PEMT: variants seen among roughly 807,000 people sequenced by gnomAD.
PEMT encodes the protein phospholipid methyltransferase.
In PEMT, 23 loss-of-function variants were observed where a neutral mutation model predicts 27.4. The observed-to-expected ratio is 0.84, with a 90% CI of 0.60 to 1.19. The LOEUF is 1.19. PEMT is among the 50% of genes most tolerant of loss of function. The probability of loss-of-function intolerance (pLI) is 0.00; values close to 1 mark genes in which losing one functional copy is unlikely to be tolerated. For synonymous variants in PEMT, 137 were observed against 139.1 expected, an observed-to-expected ratio of 0.98 and a Z score of 0.11; for missense variants, 307 against 310.1, an observed-to-expected ratio of 0.99 and a Z score of 0.07.
chr17:17,553,568 G>T (rs571275594), intron 2 of PEMT, among the ~76,000 whole-genome samples: 37 of 152,270 alleles, frequency 2.4e-4, no homozygotes, highest in Non-Finnish European at 4.4e-4. Context: ...CACTTTTTAA[G>T]CCCACAGTGG....
upstream of PEMT, chr17:17,592,078 TCA>T: frequency 1.0e-6 from 1 of 982,602 alleles, no homozygotes; most frequent in Non-Finnish European, 1.2e-6. Flanking sequence ...TTGGCCCGGG[TCA>T]CACACGCCCA....
chr17:17,529,678 C>T (rs1484024259), intron 2 of PEMT, among the ~76,000 whole-genome samples: 1 of 152,240 alleles, frequency 6.6e-6, no homozygotes, highest in East Asian at 1.9e-4. Context: ...ACTCGCCTCC[C>T]CCAGCCTCAG....
chr17:17,559,696 TCCC>T (rs1910332017), intron 2 of PEMT, among the ~76,000 whole-genome samples: 1 of 152,148 alleles, frequency 6.6e-6, no homozygotes, highest in African/African-American at 2.4e-5. Flanking sequence ...GGGCCAGGAT[TCCC>T]AGGAAACCCT....
intron 1 of PEMT, among the ~76,000 whole-genome samples, chr17:17,588,465 G>C (rs183299800): frequency 2.0e-5 from 3 of 152,202 alleles, no homozygotes; most frequent in Admixed American, 6.5e-5. Context: ...CAAGGGCTTT[G>C]CCTTCTTGAG....
chr17:17,507,578 G>A (rs1567657822), intron 5 of PEMT: 1 of 251,152 alleles, frequency 4.0e-6, no homozygotes, highest in East Asian at 8.3e-5. Flanking sequence ...TGGGCGCCGA[G>A]GGGGACAGGA....
At chr17:17,517,522 C>T (rs939348933) in intron 3 of PEMT, among the ~76,000 whole-genome samples, 3 of 152,242 alleles carry the variant, frequency 2.0e-5, no homozygotes, top group South Asian at 2.1e-4. Context: ...TGAGCAGGTC[C>T]GGCCAGGCAC....
chr17:17,547,663 C>CTCCTCCTCA (rs1909354547), intron 2 of PEMT, among the ~76,000 whole-genome samples: 1 of 151,964 alleles, frequency 6.6e-6, no homozygotes, highest in Non-Finnish European at 1.5e-5. Flanking sequence ...CTTCCTCCTC[C>CTCCTCCTCA]TCCTCCTCCT....
At chr17:17,588,837 T>C (rs1347649801) in intron 1 of PEMT, among the ~76,000 whole-genome samples, 1 of 152,214 alleles carries the variant, frequency 6.6e-6, no homozygotes, top group Non-Finnish European at 1.5e-5. Context: ...GCTGCCCAGC[T>C]GAGGAGCAAG....
chr17:17,573,740 TAA>T (rs1366653702), intron 2 of PEMT, among the ~76,000 whole-genome samples: 1 of 152,198 alleles, frequency 6.6e-6, no homozygotes, highest in Non-Finnish European at 1.5e-5. Flanking sequence ...TGATAACTAT[TAA>T]GTTATTTAAG....
chr17:17,555,877 T>A (rs1302146561), intron 2 of PEMT, among the ~76,000 whole-genome samples: 1 of 152,340 alleles, frequency 6.6e-6, no homozygotes, highest in East Asian at 1.9e-4. Flanking sequence ...AGGAGGGGGA[T>A]GCGTGGGTCC....
intron 4 of PEMT, among the ~76,000 whole-genome samples, chr17:17,511,004 G>C (rs1906342968): frequency 6.6e-6 from 1 of 152,080 alleles, no homozygotes; most frequent in Non-Finnish European, 1.5e-5. Context: ...TCTGATCCTG[G>C]CTCCATCGGT....
Position 17,582,398 on chromosome 17 carries a change from TGCAGGGTTCTCGGGA to T in PEMT, c.97-5386_97-5372del. On this transcript the variant is annotated intron_variant, in intron 1 of 6. Transcript: ENST00000255389. The surrounding 1 kb of genome is among the most constrained non-coding windows in gnomAD (Gnocchi z 4.9). ...TATGGTAATTTACTCCATTGAGGGG[TGCAGGGTTCTCGGGA>T]GCAGCGCTCTGTGGTCAGGGAATGA... is the stretch of plus-strand genomic sequence containing the variant. The T allele has an allele frequency of 3.0e-6, 3 of 985,176 alleles. No homozygotes were observed. Among genetic ancestry groups the T allele is most frequent in the Non-Finnish European group, 3.6e-6 (3 of 829,886 alleles). 61.0% of individuals were successfully genotyped at this position (985,176 alleles called of 1,614,324 possible). A position where few individuals can be genotyped will look rare whatever the true frequency, so the allele number is the denominator to read the frequency against.
At chr17:17,542,222 CTA>C (rs1191704160) in intron 2 of PEMT, among the ~76,000 whole-genome samples, 8 of 105,844 alleles carry the variant, frequency 7.6e-5, no homozygotes, top group Non-Finnish European at 1.1e-4. Flanking sequence ...CTCAGGTGAT[CTA>C]CCCGCCTCAG....
At chr17:17,522,180 A>T in intron 3 of PEMT, 100 bp downstream of exon 3, 1 of 831,214 alleles carries the variant, frequency 1.2e-6, no homozygotes, top group Non-Finnish European at 2.0e-6. Context: ...CTGAGTGCTC[A>T]GACACAAGGC....
At chr17:17,548,361 G>C (rs1279747177) in intron 2 of PEMT, among the ~76,000 whole-genome samples, 1 of 152,228 alleles carries the variant, frequency 6.6e-6, no homozygotes, top group East Asian at 1.9e-4. Flanking sequence ...TTCTAGAATG[G>C]TCCCTGGGCT....
rs2142758909 is a variant in PEMT at position 17,584,279 on chromosome 17, C to T, written c.96+7252G>A. Among the ~76,000 whole-genome samples the T allele has an allele frequency of 2.6e-5, 4 of 152,304 alleles. No homozygotes were observed. The East Asian group carries it at 7.7e-4, about 29-fold the overall frequency. On this transcript the variant is annotated intron_variant, in intron 1 of 6. Coordinates refer to ENST00000255389, the MANE Select transcript of PEMT (RefSeq NM_148172.3). The stretch of plus-strand genomic sequence containing the variant: ...GGTTCACGCCATTCTCCTGCCTCAG[C>T]CTCCTAAGTAGCTGGGACTACAGGC...
intron 1 of PEMT, among the ~76,000 whole-genome samples, chr17:17,590,046 C>G (rs1043498646): frequency 2.7e-5 from 4 of 150,448 alleles, no homozygotes; most frequent in South Asian, 4.3e-4. Flanking sequence ...TTCTGCCCCC[C>G]CTTCTACATG....
intron 3 of PEMT, among the ~76,000 whole-genome samples, chr17:17,520,945 C>G (rs766952036): frequency 1.1e-4 from 17 of 152,248 alleles, no homozygotes; most frequent in Admixed American, 2.0e-4. Flanking sequence ...CTAGGCCACC[C>G]TCGGTGAGTG....
chr17:17,574,327 T>A (rs2142735690), intron 2 of PEMT, among the ~76,000 whole-genome samples: 1 of 149,934 alleles, frequency 6.7e-6, no homozygotes, highest in African/African-American at 2.5e-5. Context: ...TTTTTTTTTT[T>A]TTTTTTTTTA....
Sources: allele counts gnomAD v4.1 joint callset (sites outside exome capture counted in the v4.1 genomes callset), GRCh38; gene constraint gnomAD v4.1.1; non-coding constraint Gnocchi (gnomAD v3.1); transcripts MANE v1.5; gene names NCBI Gene and HGNC (gene_info 2026-07-23, HGNC 2026-07-21).